The following DNAAF9 variants were observed in gnomAD, a reference collection of about 807,000 sequenced individuals.
The protein encoded by DNAAF9 is shulin.
In DNAAF9, 90 loss-of-function variants were observed where a neutral mutation model predicts 167.0. The observed-to-expected ratio is 0.54, with a 90% CI of 0.45 to 0.64. The LOEUF is 0.64. Among genes scored for constraint, DNAAF9 ranks in the 30% least tolerant of loss-of-function variants. The probability of loss-of-function intolerance (pLI) is 0.00; values close to 1 mark genes in which losing one functional copy is unlikely to be tolerated. For missense variants in DNAAF9, 1,315 were observed against 1,442.2 expected, an observed-to-expected ratio of 0.91 and a Z score of 1.43; for synonymous variants, 491 against 508.8, an observed-to-expected ratio of 0.96 and a Z score of 0.47.
At chr20:3,323,428 T>C (rs956043900) in intron 14 of DNAAF9, among the ~76,000 whole-genome samples, 8 of 151,800 alleles carry the variant, frequency 5.3e-5, no homozygotes, top group African/African-American at 1.9e-4. Flanking sequence ...ACTACAGGTG[T>C]GTACCATCAT....
chr20:3,371,605 A>T (rs1243999832), intron 6 of DNAAF9, among the ~76,000 whole-genome samples: 2 of 152,094 alleles, frequency 1.3e-5, no homozygotes, highest in Non-Finnish European at 2.9e-5. Context: ...GGCCTCCCAA[A>T]GTGCTGGGAT....
At chr20:3,381,823 G>A (rs1019654811) in intron 2 of DNAAF9, among the ~76,000 whole-genome samples, 1 of 152,138 alleles carries the variant, frequency 6.6e-6, no homozygotes, top group Non-Finnish European at 1.5e-5. Flanking sequence ...CTTTCAAAGA[G>A]ATCTTTACCA....
intron 14 of DNAAF9, among the ~76,000 whole-genome samples, chr20:3,323,221 G>C (rs537294449): frequency 6.7e-6 from 1 of 148,754 alleles, no homozygotes; most frequent in African/African-American, 2.5e-5. Flanking sequence ...TCCCCTCTTG[G>C]GAGAAAGAGA....
intron 12 of DNAAF9, among the ~76,000 whole-genome samples, chr20:3,327,989 G>C (rs1162874739): frequency 6.6e-6 from 1 of 152,152 alleles, no homozygotes; most frequent in Admixed American, 6.5e-5. Flanking sequence ...GACACTAAGG[G>C]TGCATTTAAA....
intron 7 of DNAAF9, among the ~76,000 whole-genome samples, chr20:3,357,195 GGT>G (rs2083297010): frequency 6.6e-6 from 1 of 152,204 alleles, no homozygotes; most frequent in East Asian, 1.9e-4. Context: ...AGTGAGGCCA[GGT>G]GTGGTGGCTC....
chr20:3,310,189 T>C (rs528620604), intron 20 of DNAAF9, among the ~76,000 whole-genome samples: 2 of 137,426 alleles, frequency 1.5e-5, no homozygotes, highest in Admixed American at 1.6e-4. Context: ...TGAAACTCCA[T>C]CAAGAAAGAA....
At position 3,335,757 on chromosome 20, in the gene DNAAF9, C is replaced by CAAAA. The variant is rs151182468; in HGVS notation, c.982-3400_982-3397dup. Among the ~76,000 whole-genome samples the CAAAA allele has an allele frequency of 6.8e-3, 664 of 97,644 alleles. 11 individuals are homozygous for CAAAA. The highest frequency in any genetic ancestry group is 0.012 in the African/African-American group (303 of 25,248). 64.1% of individuals were successfully genotyped at this position (97,644 alleles called of 152,430 possible). A position where few individuals can be genotyped will look rare whatever the true frequency, so the allele number is the denominator to read the frequency against. On this transcript the variant is annotated intron_variant, in intron 10 of 36. Transcript: ENST00000252032. ...GGGTGACAAGAGCAAAACTCCGTCTCAAAAAAAAAAAAAAAAAAAAATTGT... is the reference window on the plus strand; with the variant it reads ...GGGTGACAAGAGCAAAACTCCGTCTCAAAAAAAAAAAAAAAAAAAAAAAAATTGT...
Position 3,277,154 on chromosome 20 carries a change from C to T in DNAAF9, c.2650+1758G>A, listed in dbSNP as rs575269633. Among the ~76,000 whole-genome samples, 7 of 152,318 alleles carry T rather than the reference C, an allele frequency of 4.6e-5. No homozygotes were observed. In the South Asian group the frequency reaches 1.5e-3, roughly 32 times the overall value. On this transcript the variant is annotated intron_variant, in intron 29 of 36. Transcript: ENST00000252032. ...TGCTGGCTTCCAGTATCTCACTTGA[C>T]CACTGGCCCACTTGGAGCTGGCTTC...
intron 20 of DNAAF9, among the ~76,000 whole-genome samples, chr20:3,305,961 G>C (rs1054276272): frequency 1.3e-5 from 2 of 152,114 alleles, no homozygotes; most frequent in South Asian, 2.1e-4. Context: ...GCCTCATCCT[G>C]TACCAACCCT....
chr20:3,277,501 G>A (rs914296594), intron 29 of DNAAF9, among the ~76,000 whole-genome samples: 1 of 151,994 alleles, frequency 6.6e-6, no homozygotes, highest in Non-Finnish European at 1.5e-5. Flanking sequence ...GCCCTCCTTG[G>A]TTATCTCCTG....
chr20:3,383,146 C>T (rs2083684665), intron 1 of DNAAF9, among the ~76,000 whole-genome samples: 1 of 152,142 alleles, frequency 6.6e-6, no homozygotes, highest in Non-Finnish European at 1.5e-5. Context: ...CTCTCCATGC[C>T]CATCCCCTCC....
intron 5 of DNAAF9, among the ~76,000 whole-genome samples, chr20:3,374,730 C>T (rs189605537): frequency 6.6e-6 from 1 of 152,166 alleles, no homozygotes. Context: ...TACCAAGATG[C>T]CCCAACATCT....
Position 3,294,571 on chromosome 20 carries a change from T to C in DNAAF9, c.2077A>G (p.Ser693Gly). ...ALSQPAGEKR[S>G]SLKLLSAKLP... ...TTGGCTGAGAGTAACTTTAGGGAAC[T>C]CCGTTTCTCCCCAGCAGGCTGGCTC... Residue 693 changes from serine (S) to glycine (G), a missense_variant, in exon 24 of 37, where the codon AGT becomes GGT. Transcript: ENST00000252032. The C allele has an allele frequency of 6.2e-7, 1 of 1,613,806 alleles. No individual in the cohort carries two copies. Among genetic ancestry groups the C allele is most frequent in the East Asian group, 2.2e-5 (1 of 44,872 alleles).
intron 1 of DNAAF9, among the ~76,000 whole-genome samples, chr20:3,385,949 C>G (rs922526026): frequency 6.6e-6 from 1 of 152,036 alleles, no homozygotes; most frequent in African/African-American, 2.4e-5. Context: ...TTAACACATC[C>G]CTATGAAAAT....
At chr20:3,305,243 CTAAGATGA>C (rs2122990544) in intron 20 of DNAAF9, among the ~76,000 whole-genome samples, 2 of 152,132 alleles carry the variant, frequency 1.3e-5, no homozygotes, top group Non-Finnish European at 2.9e-5. Context: ...AGATGGACAA[CTAAGATGA>C]CAAAGATTAA....
At chr20:3,305,061 G>T (rs2069266309) in intron 20 of DNAAF9, among the ~76,000 whole-genome samples, 1 of 152,320 alleles carries the variant, frequency 6.6e-6, no homozygotes, top group Admixed American at 6.5e-5. Flanking sequence ...AAGTTCTACA[G>T]ACACTGGGGG....
chr20:3,404,163 G>A (rs1377958396), intron 1 of DNAAF9, among the ~76,000 whole-genome samples: 1 of 152,130 alleles, frequency 6.6e-6, no homozygotes, highest in Non-Finnish European at 1.5e-5. Context: ...CCGAGTAGCT[G>A]GGACTACAGG....
intron 21 of DNAAF9, among the ~76,000 whole-genome samples, chr20:3,301,812 C>CA (rs1406526513): frequency 6.6e-6 from 1 of 151,966 alleles, no homozygotes. Context: ...AACTGGGACT[C>CA]AGTGTTTTCA....
chr20:3,340,985 A>G (rs2070073370), intron 9 of DNAAF9, among the ~76,000 whole-genome samples: 1 of 152,214 alleles, frequency 6.6e-6, no homozygotes, highest in Non-Finnish European at 1.5e-5. Flanking sequence ...TTTAATAGAA[A>G]TATGAGTCTT....
Sources: allele counts gnomAD v4.1 joint callset (sites outside exome capture counted in the v4.1 genomes callset), GRCh38; gene constraint gnomAD v4.1.1; transcripts MANE v1.5; gene names NCBI Gene and HGNC (gene_info 2026-07-23, HGNC 2026-07-21).